NOL10: variants seen among roughly 807,000 people sequenced by gnomAD.
NOL10 encodes H_NH0074G24.1.
In NOL10, 58 loss-of-function variants were observed where a neutral mutation model predicts 103.5. The ratio of observed to expected loss-of-function variants is 0.56; its 90% CI spans 0.45 to 0.70. The LOEUF (loss-of-function observed/expected upper bound fraction) is 0.70. NOL10 is among the 30% of genes least tolerant of loss of function. The pLI is 0.00. For synonymous variants in NOL10, 287 were observed against 282.5 expected (o/e 1.02, Z -0.16); for missense variants, 763 against 807.3 (o/e 0.95, Z 0.67).
chr2:10,587,879 G>A (rs547677538), intron 19 of NOL10, among the ~76,000 whole-genome samples: 7 of 152,070 alleles, frequency 4.6e-5, no homozygotes, highest in Non-Finnish European at 1.0e-4. Context: ...TCTCCTGCAC[G>A]GAGAGCTGGG....
chr2:10,611,526 A>C (rs186070918), intron 13 of NOL10, among the ~76,000 whole-genome samples: 22 of 152,392 alleles, frequency 1.4e-4, no homozygotes, highest in African/African-American at 4.6e-4. Flanking sequence ...GCTCACGCCT[A>C]ATCTCAGCAC....
At chr2:10,638,258 CAG>C (rs1333239825) in intron 13 of NOL10, among the ~76,000 whole-genome samples, 2 of 151,882 alleles carry the variant, frequency 1.3e-5, no homozygotes, top group East Asian at 2.0e-4. Flanking sequence ...GCACTCCAGA[CAG>C]GGTGACAGAG....
chr2:10,654,878 A>C (rs142838523), intron 11 of NOL10, among the ~76,000 whole-genome samples: 1 of 152,264 alleles, frequency 6.6e-6, no homozygotes, highest in Non-Finnish European at 1.5e-5. Flanking sequence ...AATCTCTCAT[A>C]ATCTGTGAAG....
intron 19 of NOL10, among the ~76,000 whole-genome samples, chr2:10,578,260 C>T (rs1674558107): frequency 6.6e-6 from 1 of 152,192 alleles, no homozygotes; most frequent in African/African-American, 2.4e-5. Flanking sequence ...TTCACTCAGT[C>T]TTAACTCCGT....
In NOL10 at chr2:10,689,776, G is replaced by A. The variant is rs1682499879; in HGVS notation, c.66+20C>T. ...CGACCCCCAAGAGCTCGAGAGTGAG[G>A]GGGCCGGGAAGTGACTCACCTCAGG... On this transcript the variant is annotated intron_variant, in intron 1 of 20. Transcript: ENST00000381685. 5.0e-6 allele frequency: 8 copies of A among 1,593,536 alleles called. No individual in the cohort carries two copies. The highest frequency in any genetic ancestry group is 6.8e-6 in the Non-Finnish European group (8 of 1,170,410).
At chr2:10,678,225 T>A (rs1345891236) in intron 3 of NOL10, among the ~76,000 whole-genome samples, 11 of 144,364 alleles carry the variant, frequency 7.6e-5, no homozygotes, top group Admixed American at 1.4e-4. Flanking sequence ...ATTTTTTTTT[T>A]ATTTTTTGTA....
At chr2:10,610,983 CTTTTT>C (rs1303682392) in intron 13 of NOL10, among the ~76,000 whole-genome samples, 1 of 152,074 alleles carries the variant, frequency 6.6e-6, no homozygotes, top group South Asian at 2.1e-4. Context: ...TTCTTTTTTT[CTTTTT>C]ATTTTTTTAG....
At chr2:10,606,989 A>C (rs575616600) in intron 14 of NOL10, among the ~76,000 whole-genome samples, 196 bp downstream of exon 14, 3 of 152,324 alleles carry the variant, frequency 2.0e-5, no homozygotes, top group African/African-American at 7.2e-5. Flanking sequence ...TCAGCATGTT[A>C]AATTTACTTG....
rs56031158 is a variant in NOL10 at position 10,649,311 on chromosome 2, A to ATTTTTTTTTTT, written c.974-4950_974-4940dup. ...TTTTTCAACTTTTCTGTATGTTTGA[A>ATTTTTTTTTTT]TTTTTTTTTTTTTTTTTTTTTTTTT... On this transcript the variant is annotated intron_variant, in intron 12 of 20. Transcript: ENST00000381685. 1.9e-3 allele frequency among the ~76,000 whole-genome samples: 192 copies of ATTTTTTTTTTT among 99,044 alleles called. 9 individuals carry two copies. The highest frequency in any genetic ancestry group is 7.5e-3 in the African/African-American group (180 of 24,132). The allele number at this position is 99,044 out of a possible 152,430, so 65.0% of individuals were successfully genotyped here.
intron 17 of NOL10, among the ~76,000 whole-genome samples, chr2:10,592,833 C>A (rs887652313): frequency 6.6e-6 from 1 of 152,146 alleles, no homozygotes; most frequent in Non-Finnish European, 1.5e-5. Flanking sequence ...ATATTTCCCT[C>A]AGGGTTTTTT....
At position 10,643,834 on chromosome 2, in the gene NOL10, T is replaced by G. The variant is rs187455481; in HGVS notation, c.1026+486A>C. 1.6e-3 allele frequency among the ~76,000 whole-genome samples: 248 copies of G among 152,334 alleles called. 2 individuals are homozygous for G. Among genetic ancestry groups the G allele is most frequent in the African/African-American group, 5.8e-3 (240 of 41,580 alleles). ...TTAACATGATATTAAACAGTTCCCA[T>G]AAAAGAATGTTTGAGCATGAATTGA... On this transcript the variant is annotated intron_variant, in intron 13 of 20. Transcript: ENST00000381685.
At chr2:10,651,214 G>C (rs1679431041) in intron 12 of NOL10, among the ~76,000 whole-genome samples, 1 of 152,108 alleles carries the variant, frequency 6.6e-6, no homozygotes. Flanking sequence ...GTCTCTTTGG[G>C]CTTCTATATC....
At chr2:10,588,331 C>G (rs1160860711) in intron 19 of NOL10, among the ~76,000 whole-genome samples, 1 of 152,192 alleles carries the variant, frequency 6.6e-6, no homozygotes. Flanking sequence ...CCAACTATTT[C>G]CAGAACATTT....
chr2:10,599,786 C>T (rs1327360490), intron 17 of NOL10, among the ~76,000 whole-genome samples: 1 of 152,140 alleles, frequency 6.6e-6, no homozygotes, highest in Non-Finnish European at 1.5e-5. Flanking sequence ...TAAGAATGCC[C>T]ATATCCGGTC....
intron 13 of NOL10, among the ~76,000 whole-genome samples, chr2:10,630,325 C>T (rs1677749585): frequency 1.3e-5 from 2 of 152,304 alleles, no homozygotes; most frequent in South Asian, 4.1e-4. Flanking sequence ...TCGGGTCCAA[C>T]CAATTCCAAA....
intron 13 of NOL10, among the ~76,000 whole-genome samples, chr2:10,637,669 C>T (rs970772594): frequency 6.6e-6 from 1 of 152,160 alleles, no homozygotes; most frequent in Non-Finnish European, 1.5e-5. Context: ...GGTTTGCGTG[C>T]CTCTGTGAAG....
Position 10,589,646 on chromosome 2 carries a change from C to A in NOL10, c.1528G>T (p.Val510Phe). The change falls in exon 18 of 21, where the codon GTT becomes TTT. Residue 510 changes from valine (V) to phenylalanine (F), a missense_variant. Physicochemically the swap from Val to Phe is conservative, Grantham distance 50. Coordinates refer to ENST00000381685, the MANE Select transcript of NOL10 (RefSeq NM_024894.4). ...SEEFRLLNPL[V>F]SKISEKRKKK... ...TTCCTTTTTTCACTAATTTTTGAAA[C>A]AAGTGGATTCAGAAGCCTAAATTCT... 6.3e-7 allele frequency: 1 copy of A among 1,588,296 alleles called. No individual in the cohort carries two copies.
intron 13 of NOL10, among the ~76,000 whole-genome samples, chr2:10,632,013 G>A (rs1439836426): frequency 1.3e-5 from 2 of 152,262 alleles, no homozygotes; most frequent in South Asian, 4.2e-4. Context: ...AGCAGAAAAG[G>A]GCAAATGCAA....
At chr2:10,605,529 T>C (rs1676207133) in intron 14 of NOL10, among the ~76,000 whole-genome samples, 1 of 152,222 alleles carries the variant, frequency 6.6e-6, no homozygotes, top group Admixed American at 6.5e-5. Context: ...TATCTATTTC[T>C]ATAGTTTTAA....
Sources: gnomAD v4.1 joint callset for allele counts (sites outside exome capture counted in the v4.1 genomes callset) on GRCh38, gnomAD v4.1.1 for gene constraint, MANE v1.5 for transcripts, NCBI Gene and HGNC (gene_info 2026-07-23, HGNC 2026-07-21) for gene names.